Variants in TGFBR1 observed in about 807,000 individuals in gnomAD.
TGFBR1 encodes TGF-beta receptor type-1.
A neutral mutation model predicts 55.1 loss-of-function variants in TGFBR1; 20 were observed. The ratio of observed to expected loss-of-function variants is 0.36; its 90% confidence interval spans 0.26 to 0.53. The LOEUF (loss-of-function observed/expected upper bound fraction) is 0.53. TGFBR1 is among the 20% of genes least tolerant of loss of function. The pLI is 0.91. For missense variants in TGFBR1, 385 were observed against 617.6 expected, an observed-to-expected ratio of 0.62 and a Z score of 3.99; for synonymous variants, 220 against 214.8, an observed-to-expected ratio of 1.02 and a Z score of -0.21.
At chr9:99,123,539 C>G (rs549726343) in intron 1 of TGFBR1, among the ~76,000 whole-genome samples, 29 of 152,188 alleles carry the variant, frequency 1.9e-4, no homozygotes, top group African/African-American at 7.0e-4. Flanking sequence ...CAAATAGTTG[C>G]GTAGGTTTCA....
intron 3 of TGFBR1, among the ~76,000 whole-genome samples, chr9:99,134,802 T>TA (rs1554700024): frequency 4.8e-5 from 2 of 41,384 alleles, no homozygotes; most frequent in African/African-American, 2.4e-4. Context: ...TCTGTTTCCA[T>TA]TATATATATA....
At chr9:99,110,907 T>C (rs992842815) in intron 1 of TGFBR1, among the ~76,000 whole-genome samples, 1 of 152,240 alleles carries the variant, frequency 6.6e-6, no homozygotes, top group African/African-American at 2.4e-5. Flanking sequence ...CCTCTACTTA[T>C]GATGGGGTCA....
At position 99,151,217 on chromosome 9, in the gene TGFBR1, A is replaced by G. The variant is rs1827970448; in HGVS notation, c.*1912A>G. 1 of 231,444 alleles carries G rather than the reference A, an allele frequency of 4.3e-6. No individual in the cohort carries two copies. Among genetic ancestry groups the G allele is most frequent in the Admixed American group, 5.6e-5 (1 of 17,744 alleles). 14.3% of individuals were successfully genotyped at this position (231,444 alleles called of 1,614,324 possible). On this transcript the variant is annotated 3_prime_UTR_variant, in exon 9 of 9. Coordinates refer to ENST00000374994, the MANE Select transcript of TGFBR1 (RefSeq NM_004612.4). ...CATGTGTTTAAAAACATCATGGGAA[A>G]AATGCTTAGAGGTTACTATTTTGAC...
At position 99,105,113 on chromosome 9, in the gene TGFBR1, G is replaced by A. The variant is rs1016972320; in HGVS notation, c.-93G>A. 3.1e-5 allele frequency: 31 copies of A among 985,534 alleles called. No homozygotes were observed. Among genetic ancestry groups the A allele is most frequent in the Non-Finnish European group, 3.8e-5 (31 of 812,350 alleles). 61.0% of individuals were successfully genotyped at this position (985,534 alleles called of 1,614,324 possible). A position where few individuals can be genotyped will look rare whatever the true frequency, so the allele number is the denominator to read the frequency against. On this transcript the variant is annotated 5_prime_UTR_variant, in exon 1 of 9. Coordinates refer to ENST00000374994, the MANE Select transcript of TGFBR1 (RefSeq NM_004612.4). ...CAAAGGGCCGGAGCGAGGCCGCCGC[G>A]GCGGCTAGGGAGGTGGGGCGAGGCG...
intron 1 of TGFBR1, among the ~76,000 whole-genome samples, chr9:99,105,569 G>T (rs1826387659): frequency 6.6e-6 from 1 of 151,650 alleles, no homozygotes; most frequent in East Asian, 2.0e-4. Flanking sequence ...GACTCCCCGG[G>T]GAGGTGGAGT....
At chr9:99,108,834 A>T (rs1242883481) in intron 1 of TGFBR1, among the ~76,000 whole-genome samples, 2 of 152,200 alleles carry the variant, frequency 1.3e-5, no homozygotes, top group Non-Finnish European at 2.9e-5. Context: ...ACATAAAAGT[A>T]ATCAAAGTGG....
chr9:99,134,941 A>C (rs895456589), intron 3 of TGFBR1, among the ~76,000 whole-genome samples: 1 of 149,216 alleles, frequency 6.7e-6, no homozygotes, highest in African/African-American at 2.5e-5. Context: ...ACTTGTCTGC[A>C]TTGCTTGCTA....
chr9:99,108,940 GA>G (rs1826488788), intron 1 of TGFBR1, among the ~76,000 whole-genome samples: 1 of 149,510 alleles, frequency 6.7e-6, no homozygotes, highest in Non-Finnish European at 1.5e-5. Flanking sequence ...ATTTACAGAT[GA>G]AAAAACGACT....
chr9:99,134,086 T>G (rs1240527534), intron 3 of TGFBR1, among the ~76,000 whole-genome samples: 1 of 152,032 alleles, frequency 6.6e-6, no homozygotes, highest in African/African-American at 2.4e-5. Context: ...TGGGTAAGAA[T>G]ATAATTCTGA....
At chr9:99,132,829 A>G in intron 3 of TGFBR1, 90 bp downstream of exon 3, 1 of 1,507,970 alleles carries the variant, frequency 6.6e-7, no homozygotes, top group South Asian at 1.2e-5. Context: ...CCAACTTGCT[A>G]GAATGTGAGA....
In TGFBR1 at chr9:99,154,057, C is replaced by T. The variant is rs1007029954; in HGVS notation, c.*4752C>T. 2.7e-5 allele frequency: 6 copies of T among 223,882 alleles called. No individual in the cohort carries two copies. The highest frequency in any genetic ancestry group is 1.3e-4 in the African/African-American group (6 of 44,788). 13.9% of individuals were successfully genotyped at this position (223,882 alleles called of 1,614,324 possible). On this transcript the variant is annotated 3_prime_UTR_variant, in exon 9 of 9. Coordinates refer to ENST00000374994, the MANE Select transcript of TGFBR1 (RefSeq NM_004612.4). ...GGCTTTGTGAATAGGATTGCTCTCACATTAAAGATAGTTACTTCAATTTGA... is the reference window on the plus strand; with the variant it reads ...GGCTTTGTGAATAGGATTGCTCTCATATTAAAGATAGTTACTTCAATTTGA...
At chr9:99,138,263 A>C (rs1827503696) in intron 4 of TGFBR1, among the ~76,000 whole-genome samples, 174 bp downstream of exon 4, 1 of 152,214 alleles carries the variant, frequency 6.6e-6, no homozygotes, top group African/African-American at 2.4e-5. Context: ...GAACTTCTTC[A>C]AGATTTTCTT....
chr9:99,116,590 T>G (rs1185529307), intron 1 of TGFBR1, among the ~76,000 whole-genome samples: 2 of 152,234 alleles, frequency 1.3e-5, no homozygotes, highest in Non-Finnish European at 2.9e-5. Flanking sequence ...TCTTCGGTGT[T>G]GTATCATCAG....
At chr9:99,117,769 G>A (rs1826790007) in intron 1 of TGFBR1, among the ~76,000 whole-genome samples, 1 of 152,146 alleles carries the variant, frequency 6.6e-6, no homozygotes, top group Admixed American at 6.5e-5. Context: ...ATCGAGTAGT[G>A]TTAAGTCTTT....
In TGFBR1 at chr9:99,128,499, A is replaced by AT. The variant is rs1554698810; in HGVS notation, c.98-356_98-355insT. Among the ~76,000 whole-genome samples, 5 of 148,708 alleles carry AT rather than the reference A, an allele frequency of 3.4e-5. No homozygotes were observed. In the East Asian group the frequency reaches 7.8e-4, roughly 23 times the overall value. On this transcript the variant is annotated intron_variant, in intron 1 of 8. Coordinates refer to ENST00000374994, the MANE Select transcript of TGFBR1 (RefSeq NM_004612.4). ...GTAAAAAAAAAAAAAAAAAAAAAAAAGTATAACCATTACAAATTTAAATGT... is the reference window on the plus strand; with the variant it reads ...GTAAAAAAAAAAAAAAAAAAAAAAAATGTATAACCATTACAAATTTAAATGT...
intron 5 of TGFBR1, among the ~76,000 whole-genome samples, chr9:99,144,330 CAAAGATAATAT>C (rs1827722895): frequency 6.6e-6 from 1 of 152,114 alleles, no homozygotes; most frequent in African/African-American, 2.4e-5. Flanking sequence ...TGGTTAGCAT[CAAAGATAATAT>C]ACTTAATACT....
At chr9:99,107,785 A>G (rs1826456527) in intron 1 of TGFBR1, among the ~76,000 whole-genome samples, 1 of 152,090 alleles carries the variant, frequency 6.6e-6, no homozygotes, top group Non-Finnish European at 1.5e-5. Flanking sequence ...CTCATTTCTC[A>G]TTACTGCAGA....
At chr9:99,133,008 C>G (rs1827294874) in intron 3 of TGFBR1, among the ~76,000 whole-genome samples, 1 of 152,162 alleles carries the variant, frequency 6.6e-6, no homozygotes, top group Non-Finnish European at 1.5e-5. Context: ...CTTGTATAAT[C>G]TAATTTGCTT....
rs1827943628 is a variant in TGFBR1, at chr9:99,150,263, A to G, written c.*958A>G. Reference sequence around the variant, plus strand: ...ATTGTGTTGTCTAAGTATACTTTTAAAAAATCAAGTGGCACTCTAGATGCT... The same window carrying G: ...ATTGTGTTGTCTAAGTATACTTTTAGAAAATCAAGTGGCACTCTAGATGCT... On this transcript the variant is annotated 3_prime_UTR_variant, in exon 9 of 9. Coordinates refer to ENST00000374994, the MANE Select transcript of TGFBR1 (RefSeq NM_004612.4). The G allele has an allele frequency of 5.1e-6, 1 of 194,608 alleles. No individual in the cohort carries two copies. Among genetic ancestry groups the G allele is most frequent in the Non-Finnish European group, 1.1e-5 (1 of 93,176 alleles). 12.1% of individuals were successfully genotyped at this position (194,608 alleles called of 1,614,324 possible).
Sources: allele counts gnomAD v4.1 joint callset (sites outside exome capture counted in the v4.1 genomes callset), GRCh38; gene constraint gnomAD v4.1.1; transcripts MANE v1.5; gene names NCBI Gene and HGNC (gene_info 2026-07-23, HGNC 2026-07-21).